MMAA: variants seen among roughly 807,000 people sequenced by gnomAD.
The protein encoded by MMAA is methylmalonic aciduria type A protein, mitochondrial.
In MMAA, 41 loss-of-function variants were observed where a neutral mutation model predicts 45.0. That is an observed-to-expected ratio of 0.91 (90% CI 0.71 to 1.18). The LOEUF (loss-of-function observed/expected upper bound fraction) is 1.18, where lower values mean the gene tolerates loss of function less well. MMAA is among the 50% of genes most tolerant of loss of function. MMAA has a pLI of 0.00. For missense variants in MMAA, 460 were observed against 495.7 expected, an observed-to-expected ratio of 0.93 and a Z score of 0.68; for synonymous variants, 154 against 178.2, an observed-to-expected ratio of 0.86 and a Z score of 1.08.
At chr4:145,644,853 T>C (rs1727882142) in intron 3 of MMAA, among the ~76,000 whole-genome samples, 1 of 152,220 alleles carries the variant, frequency 6.6e-6, no homozygotes, top group Admixed American at 6.5e-5. Flanking sequence ...GATGCTTATT[T>C]AGCAGCATAT....
At chr4:145,634,319 G>A (rs1411417182) in intron 1 of MMAA, among the ~76,000 whole-genome samples, 2 of 152,140 alleles carry the variant, frequency 1.3e-5, no homozygotes, top group African/African-American at 4.8e-5. Context: ...CAAAGGCAGA[G>A]GAGCCTCACC....
At chr4:145,629,341 A>G (rs766553872) in intron 1 of MMAA, among the ~76,000 whole-genome samples, 1 of 152,188 alleles carries the variant, frequency 6.6e-6, no homozygotes, top group African/African-American at 2.4e-5. Flanking sequence ...CATGTTAGCC[A>G]GGATGGGATT....
rs1728262266 is a variant in MMAA at position 145,657,357 on chromosome 4, A to G, written c.*1923A>G. On this transcript the variant is annotated 3_prime_UTR_variant, in exon 7 of 7. Transcript: ENST00000649156. ...TGTTATTTGCTATACTGGAGGTAAT[A>G]TAATAATAATGAAATATAGCTTTTT... is the stretch of plus-strand genomic sequence containing the variant. The G allele has an allele frequency of 6.6e-6, 1 of 152,020 alleles. No individual in the cohort carries two copies. The highest frequency in any genetic ancestry group is 2.1e-4 in the South Asian group (1 of 4,796). The allele number at this position is 152,020 out of a possible 1,614,324, so 9.4% of individuals were successfully genotyped here. A position where few individuals can be genotyped will look rare whatever the true frequency, so the allele number is the denominator to read the frequency against.
rs753187744 is a variant in MMAA, at chr4:145,651,050, T to A, written c.734-12T>A. 2 of 1,613,256 alleles carry A rather than the reference T, an allele frequency of 1.2e-6. No homozygotes were observed. Among genetic ancestry groups the A allele is most frequent in the Non-Finnish European group, 1.7e-6 (2 of 1,179,166 alleles). ...GAGTATTTTAGGATATAGTTGTGAT[T>A]TACAATTTCAGGTGTGGGTCAGTCG... is the stretch of plus-strand genomic sequence containing the variant. On this transcript the variant is annotated splice_polypyrimidine_tract_variant and intron_variant, in intron 4 of 6. Transcript: ENST00000649156.
At chr4:145,641,999 A>G (rs1025111256) in intron 2 of MMAA, among the ~76,000 whole-genome samples, 3 of 152,238 alleles carry the variant, frequency 2.0e-5, no homozygotes, top group African/African-American at 7.2e-5. Context: ...TGAGGTAGGT[A>G]GAATAATTAC....
chr4:145,654,555 G>C (rs1728174977), intron 6 of MMAA, among the ~76,000 whole-genome samples: 1 of 152,090 alleles, frequency 6.6e-6, no homozygotes, highest in Admixed American at 6.6e-5. Flanking sequence ...ATATTGATGT[G>C]GTCATCTTTA....
At chr4:145,637,377 C>T (rs1360275211) in intron 1 of MMAA, among the ~76,000 whole-genome samples, 5 of 152,058 alleles carry the variant, frequency 3.3e-5, no homozygotes, top group Non-Finnish European at 5.9e-5. Context: ...TTTAGAAACA[C>T]TTTTATACAT....
intron 4 of MMAA, chr4:145,646,453 C>A: frequency 2.9e-6 from 1 of 344,618 alleles, no homozygotes; most frequent in Non-Finnish European, 5.4e-6. Flanking sequence ...GATGCTTTGG[C>A]ACAACACCTA....
rs1310642295 is a variant in MMAA, at chr4:145,624,836, C to T, written c.-66+5429C>T. The T allele has an allele frequency of 1.9e-6, 3 of 1,610,474 alleles. No homozygotes were observed. The East Asian group carries it at 6.7e-5, about 36-fold the overall frequency. The stretch of plus-strand genomic sequence containing the variant: ...ACACCTCCTCTACCTTACATGGGTC[C>T]TGATGGTTCTGGACAAGCCAATCCT... On this transcript the variant is annotated intron_variant, in intron 1 of 6. Coordinates refer to ENST00000649156, the MANE Select transcript of MMAA (RefSeq NM_172250.3).
At chr4:145,638,512 T>C (rs769168679) in intron 1 of MMAA, among the ~76,000 whole-genome samples, 24 of 152,236 alleles carry the variant, frequency 1.6e-4, no homozygotes, top group Non-Finnish European at 2.6e-4. Flanking sequence ...CACCTACAGT[T>C]CACTTATGGC....
rs1273951188 is a variant in MMAA at position 145,658,685 on chromosome 4, C to T, written c.*3251C>T. 7.1e-6 allele frequency: 1 copy of T among 140,422 alleles called. No homozygotes were observed. Among genetic ancestry groups the T allele is most frequent in the Non-Finnish European group, 1.5e-5 (1 of 65,858 alleles). 8.7% of individuals were successfully genotyped at this position (140,422 alleles called of 1,614,324 possible). A position where few individuals can be genotyped will look rare whatever the true frequency, so the allele number is the denominator to read the frequency against. On this transcript the variant is annotated 3_prime_UTR_variant, in exon 7 of 7. Transcript: ENST00000649156. ...TGTGATAATTTATGTAGTTGAACCTCTAAGGCAAAAAAAAAAAAAAAAAGG... is the reference window on the plus strand; with the variant it reads ...TGTGATAATTTATGTAGTTGAACCTTTAAGGCAAAAAAAAAAAAAAAAAGG...
chr4:145,632,644 T>C (rs1226726862), intron 1 of MMAA, among the ~76,000 whole-genome samples: 4 of 152,232 alleles, frequency 2.6e-5, no homozygotes, highest in African/African-American at 9.6e-5. Context: ...CTCTTAGATT[T>C]GCCCTTTTGA....
At chr4:145,654,789 C>A (rs767920827) in intron 6 of MMAA, among the ~76,000 whole-genome samples, 20 of 152,182 alleles carry the variant, frequency 1.3e-4, no homozygotes, top group Non-Finnish European at 2.5e-4. Flanking sequence ...AACCTAGCTT[C>A]ATTTTCTGGC....
intron 2 of MMAA, among the ~76,000 whole-genome samples, chr4:145,640,073 A>G (rs1263659724): frequency 1.3e-5 from 2 of 152,078 alleles, no homozygotes; most frequent in Admixed American, 6.5e-5. Flanking sequence ...AGCCTTCTCA[A>G]TACCAAAATG....
At position 145,646,045 on chromosome 4, in the gene MMAA, A is replaced by C. The variant is rs773516780; in HGVS notation, c.622A>C (p.Ile208Leu). 1.2e-6 allele frequency: 2 copies of C among 1,614,046 alleles called. No individual in the cohort carries two copies. The highest frequency in any genetic ancestry group is 2.7e-5 in the African/African-American group (2 of 74,942). Residue 208 changes from isoleucine (I) to leucine (L), a missense_variant, in exon 4 of 7, where the codon ATC (isoleucine) becomes CTC (leucine). Coordinates refer to ENST00000649156, the MANE Select transcript of MMAA (RefSeq NM_172250.3). Reference sequence around the variant, plus strand: ...GTTATCAAGAGATATGAATGCATACATCAGGCCATCTCCTACTAGAGGAAC... The same window carrying C: ...GTTATCAAGAGATATGAATGCATACCTCAGGCCATCTCCTACTAGAGGAAC... ...TELSRDMNAY[I>L]RPSPTRGTLG...
intron 1 of MMAA, chr4:145,624,591 C>G: frequency 7.9e-7 from 1 of 1,262,848 alleles, no homozygotes; most frequent in South Asian, 1.3e-5. Flanking sequence ...TAGAAGGAAC[C>G]ATTGACTTTG....
At chr4:145,620,500 CG>C (rs1734068680) in intron 1 of MMAA, among the ~76,000 whole-genome samples, 1 of 152,144 alleles carries the variant, frequency 6.6e-6, no homozygotes, top group African/African-American at 2.4e-5. Context: ...TGTATTTTTA[CG>C]TATTTTTTCT....
intron 6 of MMAA, 39 bp from the exon 7 acceptor site, chr4:145,655,108 A>G (rs1200238101): frequency 2.5e-6 from 4 of 1,612,060 alleles, no homozygotes; most frequent in Admixed American, 1.7e-5. Flanking sequence ...TTTTTCTATC[A>G]TTTTAAGTAA....
rs532686656 is a variant in MMAA at position 145,645,769 on chromosome 4, G to T, written c.563-217G>T. Among the ~76,000 whole-genome samples, 3 of 152,294 alleles carry T rather than the reference G, an allele frequency of 2.0e-5. No homozygotes were observed. In the East Asian group the frequency reaches 5.8e-4, roughly 29 times the overall value. ...CTGAAGAATCTAGATTGGAACCTTT[G>T]GTCAGGGGGAAGCTATAAATTATAG... On this transcript the variant is annotated intron_variant, in intron 3 of 6. Coordinates refer to ENST00000649156, the MANE Select transcript of MMAA (RefSeq NM_172250.3).
Sources: gnomAD v4.1 joint callset for allele counts (sites outside exome capture counted in the v4.1 genomes callset) on GRCh38, gnomAD v4.1.1 for gene constraint, MANE v1.5 for transcripts, NCBI Gene and HGNC (gene_info 2026-07-23, HGNC 2026-07-21) for gene names.